UNC5C: variants seen among roughly 807,000 people sequenced by gnomAD.
UNC5C encodes netrin receptor UNC5C.
Under a neutral mutation model 99.8 loss-of-function variants are expected in UNC5C, and 47 were observed. The ratio of observed to expected loss-of-function variants is 0.47; its 90% CI spans 0.37 to 0.60. The LOEUF (loss-of-function observed/expected upper bound fraction) is 0.60, where lower values mean the gene tolerates loss of function less well. Among genes scored for constraint, UNC5C ranks in the 20% least tolerant of loss-of-function variants. The pLI is 0.00. For missense variants in UNC5C, 1,062 were observed against 1,165.9 expected (o/e 0.91, Z 1.30); for synonymous variants, 487 against 452.2 (o/e 1.08, Z -0.98).
intron 3 of UNC5C, among the ~76,000 whole-genome samples, chr4:95,289,407 C>T (rs1741361577): frequency 6.6e-6 from 1 of 152,188 alleles, no homozygotes; most frequent in Non-Finnish European, 1.5e-5. Context: ...TTGTTATCTG[C>T]TGCTGGCCAG....
intron 1 of UNC5C, among the ~76,000 whole-genome samples, chr4:95,488,585 C>T (rs2629834): frequency 0.11 from 16,373 of 151,634 alleles, 1,430 homozygotes; most frequent in African/African-American, 0.23. Context: ...CTCTATTATA[C>T]ATGATTTAAG....
At chr4:95,526,864 A>C (rs1296946207) in intron 1 of UNC5C, among the ~76,000 whole-genome samples, 1 of 152,080 alleles carries the variant, frequency 6.6e-6, no homozygotes, top group Non-Finnish European at 1.5e-5. Flanking sequence ...AGTAACAATA[A>C]AAACACAAAA....
intron 4 of UNC5C, among the ~76,000 whole-genome samples, chr4:95,275,275 G>A (rs1406193432): frequency 6.6e-6 from 1 of 152,136 alleles, no homozygotes; most frequent in Admixed American, 6.5e-5. Context: ...AAGAAGAGGG[G>A]CAAGGTACTC....
chr4:95,514,679 A>G (rs557770428), intron 1 of UNC5C, among the ~76,000 whole-genome samples: 3 of 149,704 alleles, frequency 2.0e-5, no homozygotes, highest in East Asian at 3.9e-4. Flanking sequence ...ACATATATAT[A>G]TATTTTTCCT....
chr4:95,206,465 T>C (rs989484220), intron 11 of UNC5C, among the ~76,000 whole-genome samples, 163 bp downstream of exon 11: 11 of 152,200 alleles, frequency 7.2e-5, no homozygotes, highest in East Asian at 1.9e-4. Flanking sequence ...TCAGAAGATA[T>C]AACACTCAGG....
chr4:95,513,585 T>C (rs528793922), intron 1 of UNC5C, among the ~76,000 whole-genome samples: 9 of 152,208 alleles, frequency 5.9e-5, no homozygotes, highest in African/African-American at 1.4e-4. Flanking sequence ...TCAAGACACA[T>C]GAAGACAACA....
chr4:95,379,107 G>T (rs936795225), intron 1 of UNC5C, among the ~76,000 whole-genome samples: 2 of 152,090 alleles, frequency 1.3e-5, no homozygotes, highest in Non-Finnish European at 2.9e-5. Context: ...GATAACTGGG[G>T]CGAGGAGTAG....
intron 7 of UNC5C, chr4:95,222,113 G>T: frequency 2.5e-6 from 2 of 809,814 alleles, no homozygotes; most frequent in Non-Finnish European, 3.6e-6. Flanking sequence ...CCTATTTCCT[G>T]TGTGCACATC....
chr4:95,299,123 A>T (rs1382461116), intron 3 of UNC5C, among the ~76,000 whole-genome samples: 3 of 152,180 alleles, frequency 2.0e-5, no homozygotes, highest in Non-Finnish European at 4.4e-5. Flanking sequence ...TTGGGATATA[A>T]GACTTTTAAA....
At chr4:95,444,416 C>T (rs1410483539) in intron 1 of UNC5C, among the ~76,000 whole-genome samples, 2 of 151,780 alleles carry the variant, frequency 1.3e-5, no homozygotes, top group Non-Finnish European at 2.9e-5. Flanking sequence ...CTGCAGGATC[C>T]GCCCCCCTGG....
At chr4:95,383,475 A>G (rs889691538) in intron 1 of UNC5C, among the ~76,000 whole-genome samples, 1 of 152,242 alleles carries the variant, frequency 6.6e-6, no homozygotes, top group Non-Finnish European at 1.5e-5. Context: ...TTATAAAACT[A>G]GTCCCATAAT....
chr4:95,387,352 C>T (rs763146340), intron 1 of UNC5C, among the ~76,000 whole-genome samples: 6 of 152,160 alleles, frequency 3.9e-5, no homozygotes, highest in Non-Finnish European at 8.8e-5. Flanking sequence ...GTTGCCCAGG[C>T]TGGTCTCGAT....
chr4:95,263,943 T>C (rs938324639), intron 4 of UNC5C, among the ~76,000 whole-genome samples: 3 of 152,212 alleles, frequency 2.0e-5, no homozygotes, highest in Non-Finnish European at 4.4e-5. Context: ...AAGAATGATA[T>C]CTAGCATAAA....
At chr4:95,290,744 C>T (rs746289236) in intron 3 of UNC5C, among the ~76,000 whole-genome samples, 26 of 152,134 alleles carry the variant, frequency 1.7e-4, no homozygotes, top group African/African-American at 2.4e-4. Context: ...TAAGGACAAT[C>T]GACTTTGATT....
chr4:95,247,328 T>C (rs770135847), intron 5 of UNC5C, among the ~76,000 whole-genome samples: 17 of 152,054 alleles, frequency 1.1e-4, no homozygotes, highest in Non-Finnish European at 1.8e-4. Context: ...TAGGAGTTAA[T>C]GTAAAGGACA....
chr4:95,231,260 A>G (rs1410333418), intron 7 of UNC5C, among the ~76,000 whole-genome samples: 4 of 152,096 alleles, frequency 2.6e-5, no homozygotes, highest in African/African-American at 7.2e-5. Context: ...TTACATTTCA[A>G]TATGGAGCTG....
chr4:95,223,551 A>G (rs1006218331), intron 7 of UNC5C, among the ~76,000 whole-genome samples: 1 of 152,240 alleles, frequency 6.6e-6, no homozygotes, highest in African/African-American at 2.4e-5. Context: ...CCTTAATGAA[A>G]GAGAGCTTTG....
At chr4:95,309,991 G>A (rs1015913869) in intron 2 of UNC5C, among the ~76,000 whole-genome samples, 2 of 152,060 alleles carry the variant, frequency 1.3e-5, no homozygotes, top group African/African-American at 4.8e-5. Context: ...CCCTACATTC[G>A]CTGCAGCACT....
intron 4 of UNC5C, among the ~76,000 whole-genome samples, chr4:95,270,614 A>G (rs922323983): frequency 2.0e-5 from 3 of 152,254 alleles, no homozygotes; most frequent in Non-Finnish European, 4.4e-5. Context: ...GCCATATTGC[A>G]GAGGTGAACT....
Sources: allele counts gnomAD v4.1 joint callset (sites outside exome capture counted in the v4.1 genomes callset), GRCh38; gene constraint gnomAD v4.1.1; transcripts MANE v1.5; gene names NCBI Gene and HGNC (gene_info 2026-07-23, HGNC 2026-07-21).